Variants in MTUS2 observed in about 807,000 individuals in gnomAD.
The protein encoded by MTUS2 is microtubule associated scaffold protein 2.
A neutral mutation model predicts 114.1 loss-of-function variants in MTUS2; 40 were observed. That is an observed-to-expected ratio of 0.35 (90% confidence interval 0.27 to 0.46). The LOEUF (loss-of-function observed/expected upper bound fraction) is 0.46, where lower values mean the gene tolerates loss of function less well. MTUS2 is among the 20% of genes least tolerant of loss of function. The pLI, the probability that MTUS2 is intolerant of heterozygous loss-of-function variation, is 1.00. For missense variants in MTUS2, 1,679 were observed against 1,705.4 expected (o/e 0.98, Z 0.27); for synonymous variants, 688 against 672.0 (o/e 1.02, Z -0.37).
intron 5 of MTUS2, among the ~76,000 whole-genome samples, chr13:29,173,070 T>C (rs1041249221): frequency 6.6e-6 from 1 of 152,180 alleles, no homozygotes; most frequent in African/African-American, 2.4e-5. Context: ...GACTTGTTTG[T>C]GCTGGTTGTA....
In MTUS2 at chr13:28,843,669, A is replaced by G. The variant is rs145033753; in HGVS notation, c.-243+3819A>G. ...TGTTGTCCTTTATTAAATGATGCAT[A>G]AGACTGTGCAATTTACCCTGCACCA... is the stretch of plus-strand genomic sequence containing the variant. On this transcript the variant is annotated intron_variant, in intron 2 of 15. Coordinates refer to ENST00000612955, the MANE Select transcript of MTUS2 (RefSeq NM_001033602.4). 5.7e-3 allele frequency among the ~76,000 whole-genome samples: 874 copies of G among 152,316 alleles called. 7 individuals carry two copies. Among genetic ancestry groups the G allele is most frequent in the South Asian group, 0.028 (134 of 4,826 alleles).
intron 5 of MTUS2, among the ~76,000 whole-genome samples, chr13:29,113,694 A>G (rs1890971623): frequency 6.6e-6 from 1 of 152,150 alleles, no homozygotes. Flanking sequence ...AGATATAACA[A>G]TACTTCTTAC....
At chr13:29,350,515 T>C (rs1869141647) in intron 7 of MTUS2, among the ~76,000 whole-genome samples, 2 of 151,918 alleles carry the variant, frequency 1.3e-5, no homozygotes, top group Non-Finnish European at 2.9e-5. Context: ...GAGAAAACCC[T>C]GCTTTTAGTA....
intron 8 of MTUS2, among the ~76,000 whole-genome samples, chr13:29,415,247 A>G (rs924925883): frequency 2.0e-5 from 3 of 152,194 alleles, no homozygotes; most frequent in African/African-American, 7.2e-5. Context: ...AAAAACAGGT[A>G]TAGTCACTAT....
chr13:28,894,969 G>A (rs1879178647), intron 2 of MTUS2, among the ~76,000 whole-genome samples: 1 of 152,218 alleles, frequency 6.6e-6, no homozygotes, highest in African/African-American at 2.4e-5. Flanking sequence ...AATAAAAGAA[G>A]TACGTAAGAT....
intron 7 of MTUS2, among the ~76,000 whole-genome samples, chr13:29,357,164 A>C (rs1170796380): frequency 7.1e-6 from 1 of 140,334 alleles, no homozygotes; most frequent in Non-Finnish European, 1.6e-5. Flanking sequence ...ATTGAGTATA[A>C]TTTCTAACAT....
intron 4 of MTUS2, among the ~76,000 whole-genome samples, chr13:29,038,945 C>G (rs1052726948): frequency 6.6e-5 from 10 of 152,348 alleles, no homozygotes; most frequent in Non-Finnish European, 1.3e-4. Flanking sequence ...TCCAAAGCCA[C>G]CACTTCATGT....
At chr13:29,465,033 T>G (rs1423909038) in intron 9 of MTUS2, among the ~76,000 whole-genome samples, 2 of 152,208 alleles carry the variant, frequency 1.3e-5, no homozygotes, top group Non-Finnish European at 2.9e-5. Flanking sequence ...TCCTCTTTTT[T>G]CATTTGGGAA....
chr13:29,501,796 C>T (rs927359560), intron 15 of MTUS2, among the ~76,000 whole-genome samples: 1 of 152,042 alleles, frequency 6.6e-6, no homozygotes, highest in Non-Finnish European at 1.5e-5. Flanking sequence ...GTTACCCTTG[C>T]ACACATAACT....
intron 5 of MTUS2, among the ~76,000 whole-genome samples, chr13:29,177,798 G>T (rs923177822): frequency 6.6e-6 from 1 of 152,094 alleles, no homozygotes; most frequent in Non-Finnish European, 1.5e-5. Context: ...TAGTAGCATC[G>T]TGGAGAAGCT....
intron 4 of MTUS2, among the ~76,000 whole-genome samples, chr13:29,040,984 G>GT (rs998447199): frequency 3.3e-5 from 5 of 151,730 alleles, no homozygotes; most frequent in East Asian, 3.9e-4. Flanking sequence ...ATTTATCTCT[G>GT]TTTTTTTTCC....
At position 29,026,385 on chromosome 13, in the gene MTUS2, A is replaced by G. The variant is rs2138488137; in HGVS notation, c.1687A>G (p.Met563Val). 1.2e-6 allele frequency: 2 copies of G among 1,613,920 alleles called. No homozygotes were observed. Among genetic ancestry groups the G allele is most frequent in the South Asian group, 2.2e-5 (2 of 91,076 alleles). Residue 563 changes from methionine (M) to valine (V), a missense_variant, in exon 3 of 16, where the codon ATG (methionine) becomes GTG (valine). Around this residue, in one of 3 missense-constraint regions of MTUS2, gnomAD observed 843 missense variants for 770.8 expected, o/e 1.09. Transcript: ENST00000612955. ...SSFQDVSVFGMDAGSPLVVPP... is the reference protein window; with the variant it reads ...SSFQDVSVFGVDAGSPLVVPP... ...TTTTCAGGATGTTAGCGTGTTCGGT[A>G]TGGATGCGGGGTCCCCCTTGGTAGT...
At chr13:29,194,960 T>C (rs945769763) in intron 5 of MTUS2, among the ~76,000 whole-genome samples, 1 of 149,332 alleles carries the variant, frequency 6.7e-6, no homozygotes, top group South Asian at 2.1e-4. Context: ...ATGGATGAAA[T>C]TGGAAATCAT....
At chr13:29,324,780 C>A in intron 7 of MTUS2, 69 bp downstream of exon 7, 1 of 1,220,112 alleles carries the variant, frequency 8.2e-7, no homozygotes, top group African/African-American at 1.5e-5. Context: ...ATTCAGATGT[C>A]ATTAATGGAG....
intron 4 of MTUS2, among the ~76,000 whole-genome samples, chr13:29,069,530 C>T (rs1888816034): frequency 6.6e-6 from 1 of 152,212 alleles, no homozygotes; most frequent in African/African-American, 2.4e-5. Context: ...AAAACACCCT[C>T]ACAGACACAC....
chr13:29,386,336 G>A (rs1872631093), intron 8 of MTUS2, among the ~76,000 whole-genome samples: 1 of 152,134 alleles, frequency 6.6e-6, no homozygotes, highest in African/African-American at 2.4e-5. Context: ...AAGGGTCAGG[G>A]GATGGAACAT....
intron 2 of MTUS2, among the ~76,000 whole-genome samples, chr13:29,015,267 T>C (rs1886018646): frequency 6.6e-6 from 1 of 152,178 alleles, no homozygotes; most frequent in Admixed American, 6.5e-5. Flanking sequence ...AATAACATCC[T>C]GAGCAAGAAA....
intron 8 of MTUS2, among the ~76,000 whole-genome samples, chr13:29,373,779 A>G (rs140869500): frequency 1.0e-3 from 155 of 152,374 alleles, no homozygotes; most frequent in African/African-American, 3.2e-3. Context: ...AGCAAGGCCC[A>G]GAGGAGTCTT....
intron 8 of MTUS2, among the ~76,000 whole-genome samples, chr13:29,409,049 G>T (rs1202222555): frequency 6.6e-6 from 1 of 152,212 alleles, no homozygotes; most frequent in Non-Finnish European, 1.5e-5. Context: ...GCTGGGCATG[G>T]TGGCTCACAC....
Sources: allele counts gnomAD v4.1 joint callset (sites outside exome capture counted in the v4.1 genomes callset), GRCh38; gene constraint gnomAD v4.1.1; regional missense constraint gnomAD v4.1.1; transcripts MANE v1.5; gene names NCBI Gene and HGNC (gene_info 2026-07-23, HGNC 2026-07-21).